Variants in GPC6 observed in about 807,000 individuals in gnomAD.
GPC6 encodes glypican-6.
A neutral mutation model predicts 55.2 loss-of-function variants in GPC6; 14 were observed. That is an observed-to-expected ratio of 0.25 (90% CI 0.17 to 0.40). GPC6 has a LOEUF of 0.40. Ranked by LOEUF, GPC6 falls within the 10% of genes least tolerant of loss-of-function variation. The pLI is 1.00. For missense variants in GPC6, 641 were observed against 708.5 expected (o/e 0.90, Z 1.08); for synonymous variants, 278 against 259.6 (o/e 1.07, Z -0.68).
At chr13:94,163,315 T>C (rs1888233189) in intron 4 of GPC6, among the ~76,000 whole-genome samples, 2 of 152,100 alleles carry the variant, frequency 1.3e-5, no homozygotes, top group Admixed American at 1.3e-4. Context: ...TTGTTTCATC[T>C]CCATCCCCCT....
chr13:93,398,502 T>C (rs1875947057), intron 1 of GPC6, among the ~76,000 whole-genome samples: 1 of 152,204 alleles, frequency 6.6e-6, no homozygotes, highest in African/African-American at 2.4e-5. Flanking sequence ...GTTGAGGACA[T>C]GAGTAGTCTG....
At chr13:93,329,211 C>T (rs1016984750) in intron 1 of GPC6, among the ~76,000 whole-genome samples, 2 of 152,138 alleles carry the variant, frequency 1.3e-5, no homozygotes, top group African/African-American at 2.4e-5. Flanking sequence ...CCCTAGGTTT[C>T]GTGGCAAACC....
intron 1 of GPC6, among the ~76,000 whole-genome samples, chr13:93,308,888 C>T (rs1878966889): frequency 6.6e-6 from 1 of 152,204 alleles, no homozygotes. Flanking sequence ...AGTGGGAATA[C>T]TGATCATCAT....
chr13:94,276,491 A>G (rs184739755), intron 4 of GPC6, among the ~76,000 whole-genome samples: 149 of 151,826 alleles, frequency 9.8e-4, no homozygotes, highest in African/African-American at 3.5e-3. Flanking sequence ...TTTTATTTTA[A>G]GTTTCGGGAT....
At chr13:93,256,926 G>A (rs1876972807) in intron 1 of GPC6, among the ~76,000 whole-genome samples, 2 of 152,142 alleles carry the variant, frequency 1.3e-5, no homozygotes, top group Non-Finnish European at 2.9e-5. Context: ...AGCAGGTACA[G>A]CTAATGTTAT....
intron 1 of GPC6, among the ~76,000 whole-genome samples, chr13:93,232,612 T>C (rs1876098625): frequency 6.6e-6 from 1 of 152,196 alleles, no homozygotes; most frequent in African/African-American, 2.4e-5. Context: ...AATAATAGCT[T>C]GTGAGTAGAA....
At chr13:93,849,663 A>C (rs1050884373) in intron 3 of GPC6, among the ~76,000 whole-genome samples, 2 of 152,092 alleles carry the variant, frequency 1.3e-5, no homozygotes, top group African/African-American at 2.4e-5. Flanking sequence ...TCTTTCCCTC[A>C]GATTTTCCCT....
chr13:93,892,548 T>A (rs1875753639), intron 3 of GPC6, among the ~76,000 whole-genome samples: 1 of 152,190 alleles, frequency 6.6e-6, no homozygotes, highest in Admixed American at 6.5e-5. Flanking sequence ...GTTATACAAA[T>A]TATTAATTAG....
intron 1 of GPC6, among the ~76,000 whole-genome samples, chr13:93,451,270 A>G (rs931211267): frequency 6.6e-6 from 1 of 152,336 alleles, no homozygotes. Context: ...ATGTATTGCA[A>G]ATCTTTGAGC....
intron 1 of GPC6, among the ~76,000 whole-genome samples, chr13:93,528,013 A>G (rs1338075267): frequency 1.3e-5 from 2 of 152,156 alleles, no homozygotes; most frequent in East Asian, 3.9e-4. Context: ...AAATTGCACT[A>G]TTTTATAGGG....
At chr13:93,551,429 C>G (rs1249605779) in intron 2 of GPC6, among the ~76,000 whole-genome samples, 1 of 152,034 alleles carries the variant, frequency 6.6e-6, no homozygotes, top group Non-Finnish European at 1.5e-5. Flanking sequence ...TGACTCTAAA[C>G]TATGCATTTA....
intron 2 of GPC6, among the ~76,000 whole-genome samples, chr13:93,713,390 G>A (rs1020023232): frequency 1.3e-5 from 2 of 151,386 alleles, no homozygotes; most frequent in African/African-American, 2.4e-5. Flanking sequence ...CAATAAAATA[G>A]ACAAATTACT....
At chr13:93,990,230 C>T (rs2140414262) in intron 3 of GPC6, among the ~76,000 whole-genome samples, 1 of 151,778 alleles carries the variant, frequency 6.6e-6, no homozygotes, top group Non-Finnish European at 1.5e-5. Flanking sequence ...CATAATTCTA[C>T]CCTCATGACA....
intron 1 of GPC6, among the ~76,000 whole-genome samples, chr13:93,327,929 G>A (rs141311813): frequency 6.6e-6 from 1 of 152,098 alleles, no homozygotes; most frequent in Admixed American, 6.5e-5. Flanking sequence ...ACTCTCTGTA[G>A]AACTGACTCC....
intron 2 of GPC6, among the ~76,000 whole-genome samples, chr13:93,758,193 C>CTTTGAAATG (rs1392013404): frequency 2.0e-5 from 3 of 152,130 alleles, no homozygotes; most frequent in Admixed American, 2.0e-4. Flanking sequence ...CATCAGCTAA[C>CTTTGAAATG]TTTGAAATGA....
chr13:93,272,187 T>A (rs1877552972), intron 1 of GPC6, among the ~76,000 whole-genome samples: 1 of 152,076 alleles, frequency 6.6e-6, no homozygotes, highest in Non-Finnish European at 1.5e-5. Flanking sequence ...GCATATTATT[T>A]CTGAAATGTG....
intron 1 of GPC6, chr13:93,450,754 T>C (rs1052217832): frequency 1.8e-5 from 17 of 941,924 alleles, no homozygotes; most frequent in Non-Finnish European, 2.2e-5. Flanking sequence ...AAGGTAAGGA[T>C]GAACCTTTAG....
chr13:93,618,275 A>G (rs1477425561), intron 2 of GPC6, among the ~76,000 whole-genome samples: 1 of 152,100 alleles, frequency 6.6e-6, no homozygotes, highest in African/African-American at 2.4e-5. Flanking sequence ...ATACATGTGC[A>G]AGTATATATA....
chr13:94,151,594 G>A (rs527909936), intron 4 of GPC6, among the ~76,000 whole-genome samples: 57 of 152,114 alleles, frequency 3.7e-4, no homozygotes, highest in Non-Finnish European at 6.8e-4. Context: ...AAAATAGAAG[G>A]ATCCACCAAA....
Sources: gnomAD v4.1 joint callset for allele counts (sites outside exome capture counted in the v4.1 genomes callset) on GRCh38, gnomAD v4.1.1 for gene constraint, MANE v1.5 for transcripts, NCBI Gene and HGNC (gene_info 2026-07-23, HGNC 2026-07-21) for gene names.